Variants in SLC30A7 observed in about 807,000 individuals in gnomAD.
SLC30A7 encodes solute carrier family 30 member 7, also known as zinc transporter 7.
A neutral mutation model predicts 46.0 loss-of-function variants in SLC30A7; 35 were observed. That is an observed-to-expected ratio of 0.76 (90% CI 0.58 to 1.01). The LOEUF (loss-of-function observed/expected upper bound fraction) is 1.01. SLC30A7 is among the 50% of genes least tolerant of loss of function. The probability of loss-of-function intolerance (pLI) is 0.00; values close to 1 mark genes in which losing one functional copy is unlikely to be tolerated. For synonymous variants in SLC30A7, 147 were observed against 157.8 expected (o/e 0.93, Z 0.51); for missense variants, 464 against 451.1 (o/e 1.03, Z -0.26).
chr1:100,908,719 TAAAG>T (rs1021317667), intron 3 of SLC30A7, among the ~76,000 whole-genome samples: 4 of 152,140 alleles, frequency 2.6e-5, no homozygotes, highest in Non-Finnish European at 2.9e-5. Context: ...TTTAGATTAT[TAAAG>T]AAAGATTATA....
In SLC30A7 at chr1:100,977,789, T is replaced by A. The variant is rs1182465103; in HGVS notation, c.*2932T>A. ...TTTGTATTAGATGGAATTTCACTCTTGTCGCCCAGGCTGGAGTGTAGTGGC... is the reference window on the plus strand; with the variant it reads ...TTTGTATTAGATGGAATTTCACTCTAGTCGCCCAGGCTGGAGTGTAGTGGC... On this transcript the variant is annotated 3_prime_UTR_variant, in exon 11 of 11. Transcript: ENST00000357650. The A allele has an allele frequency of 6.6e-6, 1 of 152,232 alleles. No homozygotes were observed. The highest frequency in any genetic ancestry group is 1.5e-5 in the Non-Finnish European group (1 of 68,066). 9.4% of individuals were successfully genotyped at this position (152,232 alleles called of 1,614,324 possible).
At chr1:100,972,314 A>G (rs1315674954) in intron 10 of SLC30A7, 8 of 344,832 alleles carry the variant, frequency 2.3e-5, no homozygotes, top group Non-Finnish European at 4.2e-5. Context: ...GTAAAACTTG[A>G]AGCTGTCCTC....
At chr1:100,961,747 AG>A (rs1208124775) in intron 8 of SLC30A7, 80 bp from the exon 9 acceptor site, 8 of 712,192 alleles carry the variant, frequency 1.1e-5, no homozygotes, top group Non-Finnish European at 1.9e-5. Context: ...ATTCTACCGT[AG>A]GGAGGCATAT....
Position 100,906,913 on chromosome 1 carries a change from C to CT in SLC30A7, c.245dup (p.Ala83GlyfsTer11). 6.2e-7 allele frequency: 1 copy of CT among 1,613,448 alleles called. No individual in the cohort carries two copies. Among genetic ancestry groups the CT allele is most frequent in the Non-Finnish European group, 8.5e-7 (1 of 1,179,554 alleles). On this transcript the variant is annotated frameshift_variant, in exon 3 of 11. Transcript: ENST00000357650. LOFTEE classifies it high-confidence loss of function. ...CGATAGCACTGCCATTTTGGCTGGA[C>CT]TGGCAGCTTCTGTTATTTCAAAATG... is the stretch of plus-strand genomic sequence containing the variant.
the SLC30A7 span, chr1:100,995,409 TTAGA>T: frequency 5.5e-6 from 2 of 365,700 alleles, no homozygotes; most frequent in Non-Finnish European, 1.0e-5. Context: ...AGGGAAAGAA[TTAGA>T]TAAACATTGG....
chr1:100,921,912 C>T, intron 8 of SLC30A7, 71 bp downstream of exon 8: 28 of 818,148 alleles, frequency 3.4e-5, no homozygotes, highest in South Asian at 1.3e-4. Context: ...AATTATAGGT[C>T]TAAAATACAA....
chr1:100,900,634 G>A (rs1429232957), intron 2 of SLC30A7, among the ~76,000 whole-genome samples: 2 of 152,002 alleles, frequency 1.3e-5, no homozygotes, highest in Admixed American at 6.5e-5. Flanking sequence ...TAAAGTAAGG[G>A]ACTATATAAT....
chr1:100,952,801 AT>A (rs1482694755), intron 8 of SLC30A7, among the ~76,000 whole-genome samples: 6 of 152,096 alleles, frequency 3.9e-5, no homozygotes, highest in African/African-American at 1.4e-4. Context: ...TAGATGCTGA[AT>A]TTTTTCACAG....
At chr1:100,928,173 G>T (rs1386738685) in intron 8 of SLC30A7, among the ~76,000 whole-genome samples, 1 of 152,204 alleles carries the variant, frequency 6.6e-6, no homozygotes, top group African/African-American at 2.4e-5. Flanking sequence ...ATCAAGATGG[G>T]TAGAGGGTGT....
At chr1:100,930,636 A>G (rs1187543708) in intron 8 of SLC30A7, among the ~76,000 whole-genome samples, 1 of 151,890 alleles carries the variant, frequency 6.6e-6, no homozygotes, top group African/African-American at 2.4e-5. Context: ...TGGAGATTTT[A>G]CTTTTTTCAA....
intron 3 of SLC30A7, among the ~76,000 whole-genome samples, 197 bp downstream of exon 3, chr1:100,907,162 A>G (rs1557975616): frequency 6.6e-6 from 1 of 152,162 alleles, no homozygotes; most frequent in African/African-American, 2.4e-5. Flanking sequence ...GAGTTTTTGA[A>G]TAGTATATAA....
At chr1:100,949,755 AG>A (rs1463918849) in intron 8 of SLC30A7, among the ~76,000 whole-genome samples, 7 of 152,194 alleles carry the variant, frequency 4.6e-5, no homozygotes, top group Non-Finnish European at 7.3e-5. Context: ...GCAGCATTGC[AG>A]GTCGATCTCA....
chr1:100,932,805 A>G (rs1432974049), intron 8 of SLC30A7, among the ~76,000 whole-genome samples: 1 of 152,164 alleles, frequency 6.6e-6, no homozygotes, highest in African/African-American at 2.4e-5. Context: ...AACAAGGTAC[A>G]GTATAGATGG....
At chr1:100,994,421 C>T in the SLC30A7 span, among the ~76,000 whole-genome samples, 1 of 152,050 alleles carries the variant, frequency 6.6e-6, no homozygotes, top group Non-Finnish European at 1.5e-5. Flanking sequence ...GACACTGCCT[C>T]TCTAAGTAAA....
intron 6 of SLC30A7, among the ~76,000 whole-genome samples, chr1:100,917,341 T>TA (rs1644032821): frequency 6.6e-6 from 1 of 152,176 alleles, no homozygotes; most frequent in South Asian, 2.1e-4. Context: ...AGAACATTGT[T>TA]ATAATGCTCT....
chr1:100,989,977 C>A, the SLC30A7 span: 1 of 165,610 alleles, frequency 6.0e-6, no homozygotes, highest in Non-Finnish European at 1.3e-5. Flanking sequence ...CTAGATAAGC[C>A]AAAAGACCTG....
intron 8 of SLC30A7, among the ~76,000 whole-genome samples, chr1:100,931,112 G>A (rs984776847): frequency 6.6e-6 from 1 of 152,124 alleles, no homozygotes; most frequent in African/African-American, 2.4e-5. Flanking sequence ...AACACAGTGA[G>A]CATAGTAATG....
rs1656553187 is a variant in SLC30A7, at chr1:100,976,869, T to A, written c.*2012T>A. ...CAGGCAAAGTGGCATTTTCTAAACATGTTTGCTTACTGCCAGGTGGTTTGA... is the reference window on the plus strand; with the variant it reads ...CAGGCAAAGTGGCATTTTCTAAACAAGTTTGCTTACTGCCAGGTGGTTTGA... On this transcript the variant is annotated 3_prime_UTR_variant, in exon 11 of 11. Coordinates refer to ENST00000357650, the MANE Select transcript of SLC30A7 (RefSeq NM_133496.5). The A allele has an allele frequency of 3.9e-5, 6 of 152,568 alleles. No individual in the cohort carries two copies. The South Asian group carries it at 1.2e-3, about 32-fold the overall frequency. 9.5% of individuals were successfully genotyped at this position (152,568 alleles called of 1,614,324 possible).
intron 10 of SLC30A7, among the ~76,000 whole-genome samples, chr1:100,968,743 C>T (rs1655997286): frequency 6.6e-6 from 1 of 152,206 alleles, no homozygotes; most frequent in Non-Finnish European, 1.5e-5. Context: ...ATTACTTTAT[C>T]CTATGTCATA....
Sources: gnomAD v4.1 joint callset for allele counts (sites outside exome capture counted in the v4.1 genomes callset) on GRCh38, gnomAD v4.1.1 for gene constraint, MANE v1.5 for transcripts, NCBI Gene and HGNC (gene_info 2026-07-23, HGNC 2026-07-21) for gene names.